The following SMOC2 variants were observed in gnomAD, a reference collection of about 807,000 sequenced individuals.
The protein encoded by SMOC2 is SPARC-related modular calcium-binding protein 2.
Under a neutral mutation model 61.4 loss-of-function variants are expected in SMOC2, and 39 were observed. The observed-to-expected ratio is 0.64, with a 90% CI of 0.49 to 0.83. SMOC2 has a LOEUF of 0.83. Among genes scored for constraint, SMOC2 ranks in the 40% least tolerant of loss-of-function variants. The pLI is 0.00. For missense variants in SMOC2, 556 were observed against 592.9 expected (o/e 0.94, Z 0.65); for synonymous variants, 247 against 239.9 (o/e 1.03, Z -0.27).
At chr6:168,617,148 A>C (rs182787025) in intron 9 of SMOC2, among the ~76,000 whole-genome samples, 181 of 152,320 alleles carry the variant, frequency 1.2e-3, no homozygotes, top group African/African-American at 3.9e-3. Flanking sequence ...TTCATGTTTG[A>C]GAGTAAGGAG....
chr6:168,586,418 A>C (rs1442908845), intron 7 of SMOC2, among the ~76,000 whole-genome samples: 1 of 152,180 alleles, frequency 6.6e-6, no homozygotes, highest in Non-Finnish European at 1.5e-5. Flanking sequence ...AAGTAAGGTA[A>C]TATTAGTCCC....
At chr6:168,600,274 G>T (rs896694695) in intron 8 of SMOC2, among the ~76,000 whole-genome samples, 2 of 151,968 alleles carry the variant, frequency 1.3e-5, no homozygotes, top group African/African-American at 4.8e-5. Context: ...GGGCGTGGTG[G>T]TGGATGCCTG....
intron 9 of SMOC2, among the ~76,000 whole-genome samples, chr6:168,644,016 G>A (rs149090981): frequency 4.1e-4 from 62 of 152,286 alleles, no homozygotes; most frequent in African/African-American, 1.4e-3. Context: ...GAAAATCTGC[G>A]CTTGGAATAA....
At chr6:168,584,200 C>G (rs1784993626) in intron 7 of SMOC2, among the ~76,000 whole-genome samples, 2 of 152,204 alleles carry the variant, frequency 1.3e-5, no homozygotes, top group Non-Finnish European at 2.9e-5. Context: ...TGCAGGGTTG[C>G]AGGTATTACA....
chr6:168,590,909 G>A (rs146431111), intron 7 of SMOC2, among the ~76,000 whole-genome samples: 294 of 152,080 alleles, frequency 1.9e-3, no homozygotes, highest in African/African-American at 6.8e-3. Context: ...TTTTTTAATA[G>A]ACCTTCTACC....
intron 9 of SMOC2, among the ~76,000 whole-genome samples, chr6:168,614,171 C>A (rs1785979858): frequency 1.3e-5 from 1 of 78,718 alleles, no homozygotes; most frequent in African/African-American, 5.4e-5. Context: ...ACAGCCAGCA[C>A]AGGGGGCCTC....
At chr6:168,540,893 C>A (rs761341351) in intron 4 of SMOC2, among the ~76,000 whole-genome samples, 1 of 152,184 alleles carries the variant, frequency 6.6e-6, no homozygotes, top group East Asian at 1.9e-4. Flanking sequence ...CCCCTCACCC[C>A]TCTCACGTCT....
At chr6:168,664,573 G>A (rs1251551285) in intron 12 of SMOC2, 8 of 386,748 alleles carry the variant, frequency 2.1e-5, no homozygotes, top group Non-Finnish European at 1.0e-5. Flanking sequence ...TTGTCAGGGA[G>A]GTTGCAGGAA....
intron 1 of SMOC2, among the ~76,000 whole-genome samples, chr6:168,466,784 G>C (rs976806002): frequency 6.6e-6 from 1 of 152,246 alleles, no homozygotes; most frequent in African/African-American, 2.4e-5. Flanking sequence ...ATGGGGAGAA[G>C]CGCCAAAAGT....
intron 8 of SMOC2, among the ~76,000 whole-genome samples, chr6:168,600,271 G>T (rs1474442584): frequency 6.6e-6 from 1 of 152,008 alleles, no homozygotes; most frequent in Non-Finnish European, 1.5e-5. Context: ...GCTGGGCGTG[G>T]TGGTGGATGC....
Position 168,602,488 on chromosome 6 carries a change from C to T in SMOC2, c.824+3484C>T, listed in dbSNP as rs1785576441. 2.0e-5 allele frequency among the ~76,000 whole-genome samples: 3 copies of T among 152,072 alleles called. No homozygotes were observed. In the South Asian group the frequency reaches 6.2e-4, roughly 32 times the overall value. On this transcript the variant is annotated intron_variant, in intron 8 of 12. Coordinates refer to ENST00000356284, the MANE Select transcript of SMOC2 (RefSeq NM_001166412.2). ...TCCCCACCCACCTGCGGTGGTTTCC[C>T]CTCACACTAATTGGCCGGAATATCA...
At chr6:168,468,539 G>T (rs1283597334) in intron 1 of SMOC2, among the ~76,000 whole-genome samples, 1 of 152,158 alleles carries the variant, frequency 6.6e-6, no homozygotes, top group East Asian at 1.9e-4. Context: ...GACAATGAAG[G>T]TTTTTTGTTT....
At chr6:168,605,714 C>A (rs1418590786) in intron 8 of SMOC2, among the ~76,000 whole-genome samples, 1 of 152,196 alleles carries the variant, frequency 6.6e-6, no homozygotes, top group Non-Finnish European at 1.5e-5. Flanking sequence ...AAGAAATGAT[C>A]TAGTCTCGTG....
Position 168,452,897 on chromosome 6 carries a change from G to T in SMOC2, c.84+11443G>T, listed in dbSNP as rs1781495278. On this transcript the variant is annotated intron_variant, in intron 1 of 12. Coordinates refer to ENST00000356284, the MANE Select transcript of SMOC2 (RefSeq NM_001166412.2). This position sits in a 1 kb window ranked among gnomAD's most constrained non-coding sequence, Gnocchi z 5.0. ...AGGCTGACACGAGGCTGACTCCCAGGCCACACTCTGTCAATTTCTGGGGCT... is the reference window on the plus strand; with the variant it reads ...AGGCTGACACGAGGCTGACTCCCAGTCCACACTCTGTCAATTTCTGGGGCT... Among the ~76,000 whole-genome samples, 1 of 152,204 alleles carries T rather than the reference G, an allele frequency of 6.6e-6. No individual in the cohort carries two copies. Among genetic ancestry groups the T allele is most frequent in the Non-Finnish European group, 1.5e-5 (1 of 68,044 alleles).
intron 10 of SMOC2, among the ~76,000 whole-genome samples, chr6:168,652,673 A>C (rs1787225924): frequency 1.3e-5 from 2 of 152,222 alleles, no homozygotes; most frequent in South Asian, 4.1e-4. Context: ...CTGTGCACAC[A>C]GAAGCCAGGA....
At chr6:168,550,210 T>TA (rs1324657482) in intron 7 of SMOC2, among the ~76,000 whole-genome samples, 1 of 152,192 alleles carries the variant, frequency 6.6e-6, no homozygotes, top group Admixed American at 6.5e-5. Flanking sequence ...GCTGAGGAAA[T>TA]ACGGAGTTAG....
Position 168,452,937 on chromosome 6 carries a change from C to T in SMOC2, c.84+11483C>T, listed in dbSNP as rs971224703. On this transcript the variant is annotated intron_variant, in intron 1 of 12. Transcript: ENST00000356284. The surrounding 1 kb of genome is among the most constrained non-coding windows in gnomAD (Gnocchi z 5.0). ...TTTCTGGGGCTTCCTCTGGGCTCCA[C>T]GCAGGACCCCCTTCTCCCAGTGGCT... Among the ~76,000 whole-genome samples, 5 of 152,218 alleles carry T rather than the reference C, an allele frequency of 3.3e-5. No individual in the cohort carries two copies. In the East Asian group the frequency reaches 7.7e-4, roughly 23 times the overall value.
intron 7 of SMOC2, among the ~76,000 whole-genome samples, chr6:168,579,604 G>T (rs191930128): frequency 6.6e-6 from 1 of 152,220 alleles, no homozygotes; most frequent in Non-Finnish European, 1.5e-5. Context: ...GTTTGCACCC[G>T]TCCTGAGGGG....
intron 9 of SMOC2, among the ~76,000 whole-genome samples, chr6:168,614,518 C>T (rs1583161647): frequency 1.4e-5 from 1 of 69,952 alleles, no homozygotes; most frequent in African/African-American, 6.3e-5. Flanking sequence ...CAGCACAGGG[C>T]CTCTTCACAC....
Sources: allele counts gnomAD v4.1 joint callset (sites outside exome capture counted in the v4.1 genomes callset), GRCh38; gene constraint gnomAD v4.1.1; non-coding constraint Gnocchi (gnomAD v3.1); transcripts MANE v1.5; gene names NCBI Gene and HGNC (gene_info 2026-07-23, HGNC 2026-07-21).